SPHKAP: variants seen among roughly 807,000 people sequenced by gnomAD.
SPHKAP encodes SPHK1 interactor, AKAP domain containing.
Under a neutral mutation model 137.5 loss-of-function variants are expected in SPHKAP, and 67 were observed. The observed-to-expected ratio is 0.49, with a 90% CI of 0.40 to 0.60. The LOEUF is 0.60. Ranked by LOEUF, SPHKAP falls within the 20% of genes least tolerant of loss-of-function variation. The pLI is 0.00. For missense variants in SPHKAP, 2,097 were observed against 2,069.3 expected (o/e 1.01, Z -0.26); for synonymous variants, 813 against 785.3 (o/e 1.04, Z -0.59).
At chr2:228,165,498 C>T (rs1700397949) in intron 1 of SPHKAP, among the ~76,000 whole-genome samples, 1 of 152,300 alleles carries the variant, frequency 6.6e-6, no homozygotes, top group Non-Finnish European at 1.5e-5. Context: ...ATTTTGGAAA[C>T]ATAAAGACCT....
chr2:228,035,995 C>T (rs1695575145), intron 3 of SPHKAP, among the ~76,000 whole-genome samples: 1 of 149,618 alleles, frequency 6.7e-6, no homozygotes, highest in Non-Finnish European at 1.5e-5. Context: ...GTCTAAAACA[C>T]CAAAGGCAAT....
intron 11 of SPHKAP, 177 bp from the exon 12 acceptor site, chr2:227,982,037 A>C: frequency 1.0e-6 from 1 of 971,286 alleles, no homozygotes; most frequent in Non-Finnish European, 1.2e-6. Context: ...TTATTACCGA[A>C]CTTCATCAAG....
At chr2:227,990,945 C>T in intron 11 of SPHKAP, 55 bp downstream of exon 11, 2 of 1,562,294 alleles carry the variant, frequency 1.3e-6, no homozygotes, top group Non-Finnish European at 8.8e-7. Context: ...TACTGAGTTT[C>T]CAGTGGTGAT....
At chr2:228,111,077 A>G (rs1189635911) in intron 2 of SPHKAP, among the ~76,000 whole-genome samples, 2 of 152,204 alleles carry the variant, frequency 1.3e-5, no homozygotes, top group Non-Finnish European at 2.9e-5. Flanking sequence ...TTTGAGTTAA[A>G]AAACATTGAA....
intron 3 of SPHKAP, among the ~76,000 whole-genome samples, chr2:228,079,196 T>C (rs1429604813): frequency 6.6e-6 from 1 of 152,196 alleles, no homozygotes; most frequent in East Asian, 1.9e-4. Context: ...GAGTGCGCAA[T>C]CTAGATCCCT....
chr2:227,984,470 G>A (rs1431084494), intron 11 of SPHKAP, among the ~76,000 whole-genome samples: 3 of 152,014 alleles, frequency 2.0e-5, no homozygotes, highest in African/African-American at 7.3e-5. Context: ...AATACTCTTG[G>A]GAAGGGGAAC....
At chr2:228,109,031 A>T (rs1245063252) in intron 2 of SPHKAP, 92 bp from the exon 3 acceptor site, 1 of 852,426 alleles carries the variant, frequency 1.2e-6, no homozygotes, top group East Asian at 2.9e-5. Context: ...TTATAAAAAA[A>T]CCTGTAGGTG....
Position 227,981,503 on chromosome 2 carries a change from G to T in SPHKAP, c.*214C>A. 2.3e-6 allele frequency: 1 copy of T among 426,564 alleles called. No individual in the cohort carries two copies. 26.4% of individuals were successfully genotyped at this position (426,564 alleles called of 1,614,324 possible). ...CCAGCCCTTCTAATCCAAGCTCTTT[G>T]GAACTCACCCACAAGTTGTATGAAT... On this transcript the variant is annotated 3_prime_UTR_variant, in exon 12 of 12. Coordinates refer to ENST00000392056, the MANE Select transcript of SPHKAP (RefSeq NM_001142644.2).
At chr2:228,125,631 AAC>A (rs1341553410) in intron 2 of SPHKAP, among the ~76,000 whole-genome samples, 1 of 152,220 alleles carries the variant, frequency 6.6e-6, no homozygotes, top group African/African-American at 2.4e-5. Flanking sequence ...CCCTGGAGAT[AAC>A]AGTTTTTTTA....
intron 1 of SPHKAP, among the ~76,000 whole-genome samples, chr2:228,178,868 T>C (rs1700816426): frequency 6.6e-6 from 1 of 151,452 alleles, no homozygotes; most frequent in Non-Finnish European, 1.5e-5. Context: ...ATAGTAAAAA[T>C]GAATTAGAGT....
chr2:228,000,277 C>G (rs1693800754), intron 7 of SPHKAP, among the ~76,000 whole-genome samples: 1 of 151,600 alleles, frequency 6.6e-6, no homozygotes, highest in African/African-American at 2.4e-5. Context: ...GTCAGGAGTT[C>G]AAGACCAGCC....
At chr2:228,033,159 G>A (rs1278321059) in intron 3 of SPHKAP, among the ~76,000 whole-genome samples, 1 of 151,998 alleles carries the variant, frequency 6.6e-6, no homozygotes, top group Non-Finnish European at 1.5e-5. Flanking sequence ...ACACACATAG[G>A]CTCAAAATAA....
rs188778406 is a variant in SPHKAP, at chr2:228,030,856, T to G, written c.247-3313A>C. 1.0e-3 allele frequency among the ~76,000 whole-genome samples: 155 copies of G among 152,314 alleles called. 4 individuals are homozygous for G. In the East Asian group the frequency reaches 0.027, roughly 27 times the overall value. On this transcript the variant is annotated intron_variant, in intron 3 of 11. Coordinates refer to ENST00000392056, the MANE Select transcript of SPHKAP (RefSeq NM_001142644.2). ...GTTTTCCTCTGACATGGTTGACTGA[T>G]TTTTTAACTTCCAGATTTTTATTGA...
At chr2:228,089,239 T>C (rs1476978151) in intron 3 of SPHKAP, among the ~76,000 whole-genome samples, 1 of 152,224 alleles carries the variant, frequency 6.6e-6, no homozygotes. Flanking sequence ...TGTTATGCCC[T>C]AGCAAAGAAC....
intron 1 of SPHKAP, among the ~76,000 whole-genome samples, chr2:228,137,547 T>C (rs943889752): frequency 2.0e-5 from 3 of 152,202 alleles, no homozygotes; most frequent in Non-Finnish European, 4.4e-5. Context: ...AAAGATAAGA[T>C]TCGCTCTTGT....
intron 1 of SPHKAP, among the ~76,000 whole-genome samples, chr2:228,136,307 G>T (rs1214985381): frequency 6.6e-6 from 1 of 152,292 alleles, no homozygotes; most frequent in Admixed American, 6.5e-5. Flanking sequence ...AAACCGTTAA[G>T]TGTGTTTCAA....
At position 228,134,105 on chromosome 2, in the gene SPHKAP, G is replaced by A. The variant is rs114901269; in HGVS notation, c.33-2020C>T. 5.5e-3 allele frequency among the ~76,000 whole-genome samples: 731 copies of A among 132,856 alleles called. 6 individuals carry two copies. The highest frequency in any genetic ancestry group is 0.031 in the Middle Eastern group (8 of 256). The allele number at this position is 132,856 out of a possible 152,430, so 87.2% of individuals were successfully genotyped here. The stretch of plus-strand genomic sequence containing the variant: ...AGAAGAAAGAAGTAAAGAAAGGAAG[G>A]AAGGAAGGGAGAGAGAGAGAGAAAG... On this transcript the variant is annotated intron_variant, in intron 1 of 11. Transcript: ENST00000392056.
chr2:228,105,264 G>A (rs1357008856), intron 3 of SPHKAP, among the ~76,000 whole-genome samples: 2 of 151,992 alleles, frequency 1.3e-5, no homozygotes, highest in African/African-American at 2.4e-5. Flanking sequence ...CACAATGCCT[G>A]GCCTAATTTA....
chr2:228,034,299 C>T (rs1028872333), intron 3 of SPHKAP, among the ~76,000 whole-genome samples: 4 of 152,104 alleles, frequency 2.6e-5, no homozygotes, highest in Admixed American at 6.5e-5. Context: ...ATAAATTCCT[C>T]GACATATACA....
Sources: allele counts gnomAD v4.1 joint callset (sites outside exome capture counted in the v4.1 genomes callset), GRCh38; gene constraint gnomAD v4.1.1; transcripts MANE v1.5; gene names NCBI Gene and HGNC (gene_info 2026-07-23, HGNC 2026-07-21).